Variants in KCNG2 observed in about 807,000 individuals in gnomAD.
KCNG2 encodes potassium voltage-gated channel modifier subfamily G member 2, also known as voltage-gated potassium channel regulatory subunit KCNG2.
KCNG2 carries 7 observed loss-of-function variants against 12.3 expected under a neutral mutation model. The observed-to-expected ratio is 0.57, with a 90% CI of 0.32 to 1.07. KCNG2 has a LOEUF of 1.07. KCNG2 is among the 50% of genes least tolerant of loss of function. The pLI, the probability that KCNG2 is intolerant of heterozygous loss-of-function variation, is 0.04. For synonymous variants in KCNG2, 414 were observed against 351.4 expected (o/e 1.18, Z -1.99); for missense variants, 703 against 726.0 (o/e 0.97, Z 0.36).
intron 2 of KCNG2, among the ~76,000 whole-genome samples, chr18:79,861,216 A>G (rs1979205226): frequency 1.4e-5 from 2 of 146,026 alleles, no homozygotes; most frequent in Admixed American, 6.8e-5. Flanking sequence ...ATGAAGCTGG[A>G]TTTATTTTGC....
Position 79,803,007 on chromosome 18 carries a change from C to T in KCNG2, c.-115+4993C>T, listed in dbSNP as rs2087423036. Among the ~76,000 whole-genome samples the T allele has an allele frequency of 6.6e-6, 1 of 152,134 alleles. No homozygotes were observed. The highest frequency in any genetic ancestry group is 2.4e-5 in the African/African-American group (1 of 41,430). On this transcript the variant is annotated intron_variant, in intron 1 of 3. Coordinates refer to ENST00000316249, the MANE Select transcript of KCNG2 (RefSeq NM_012283.2). The surrounding 1 kb of genome is among the most constrained non-coding windows in gnomAD (Gnocchi z 4.5). ...CAGCCTGGTCAACATGGTGAAACCT[C>T]ATCTCTACTAAAACACAAAAATTAG...
intron 2 of KCNG2, among the ~76,000 whole-genome samples, chr18:79,861,042 C>T (rs985291218): frequency 1.9e-4 from 29 of 152,132 alleles, no homozygotes; most frequent in Admixed American, 1.8e-3. Context: ...TGTTAGACTT[C>T]GTCAAATCCT....
chr18:79,814,019 A>C (rs1227806783), intron 1 of KCNG2, among the ~76,000 whole-genome samples: 3 of 152,246 alleles, frequency 2.0e-5, no homozygotes, highest in Non-Finnish European at 4.4e-5. Flanking sequence ...TAGCACCGTC[A>C]GCCTTTAGGG....
At chr18:79,817,586 C>T (rs552181912) in intron 1 of KCNG2, among the ~76,000 whole-genome samples, 2 of 152,248 alleles carry the variant, frequency 1.3e-5, no homozygotes, top group African/African-American at 4.8e-5. Context: ...AGTTCTCACA[C>T]AGATGGTTGT....
At chr18:79,861,230 T>G (rs565460135) in intron 2 of KCNG2, among the ~76,000 whole-genome samples, 2 of 151,894 alleles carry the variant, frequency 1.3e-5, no homozygotes, top group African/African-American at 4.8e-5. Context: ...ATTTTGCTCA[T>G]GTCTTGTGGA....
intron 1 of KCNG2, among the ~76,000 whole-genome samples, chr18:79,830,621 G>A (rs1326622604): frequency 6.6e-6 from 1 of 152,258 alleles, no homozygotes; most frequent in African/African-American, 2.4e-5. Flanking sequence ...GAGATGCCTC[G>A]AAGAGACTCC....
At chr18:79,841,514 A>C (rs986436422) in intron 1 of KCNG2, among the ~76,000 whole-genome samples, 1 of 152,358 alleles carries the variant, frequency 6.6e-6, no homozygotes, top group South Asian at 2.1e-4. Context: ...TACCCAACTA[A>C]GTACTAGTAT....
rs568089614 is a variant in KCNG2, at chr18:79,824,926, T to C, written c.-115+26912T>C. Among the ~76,000 whole-genome samples, 3 of 152,334 alleles carry C rather than the reference T, an allele frequency of 2.0e-5. No individual in the cohort carries two copies. The South Asian group carries it at 6.2e-4, about 32-fold the overall frequency. On this transcript the variant is annotated intron_variant, in intron 1 of 3. Coordinates refer to ENST00000316249, the MANE Select transcript of KCNG2 (RefSeq NM_012283.2). ...AGTGATATTGAACTTAAGTTTTCTT[T>C]CTTCTTATTATATTTGGTTTAAATA... is the stretch of plus-strand genomic sequence containing the variant.
chr18:79,847,165 T>A (rs746820264), intron 1 of KCNG2, among the ~76,000 whole-genome samples: 5 of 152,246 alleles, frequency 3.3e-5, no homozygotes, highest in Non-Finnish European at 5.9e-5. Flanking sequence ...TGAAAAATCC[T>A]CTGAGCTTCC....
intron 1 of KCNG2, among the ~76,000 whole-genome samples, chr18:79,824,002 T>A (rs2087592567): frequency 6.6e-6 from 1 of 152,250 alleles, no homozygotes; most frequent in Non-Finnish European, 1.5e-5. Flanking sequence ...TTTTCTTTCA[T>A]CAATTTAATT....
intron 1 of KCNG2, among the ~76,000 whole-genome samples, chr18:79,798,924 C>T (rs899736497): frequency 2.0e-5 from 3 of 152,174 alleles, no homozygotes; most frequent in Non-Finnish European, 4.4e-5. Flanking sequence ...ACCGGTGGAG[C>T]CCCCGCCCGC....
At chr18:79,888,192 G>A (rs984175689) in intron 3 of KCNG2, among the ~76,000 whole-genome samples, 11 of 152,198 alleles carry the variant, frequency 7.2e-5, no homozygotes, top group African/African-American at 2.4e-4. Context: ...GGGAGCACCC[G>A]CCAGGCCCAG....
intron 1 of KCNG2, among the ~76,000 whole-genome samples, chr18:79,826,815 A>G (rs1978286482): frequency 6.6e-6 from 1 of 151,622 alleles, no homozygotes; most frequent in Non-Finnish European, 1.5e-5. Context: ...CTGAGTGAGC[A>G]GCTCCTCACG....
chr18:79,799,570 GT>G (rs1160051604), intron 1 of KCNG2, among the ~76,000 whole-genome samples: 3 of 152,242 alleles, frequency 2.0e-5, no homozygotes, highest in African/African-American at 7.2e-5. Context: ...CTGGGGAGAG[GT>G]GACAAAAACA....
At position 79,818,787 on chromosome 18, in the gene KCNG2, G is replaced by A. The variant is rs546043195; in HGVS notation, c.-115+20773G>A. ...GAGGCACTTTCCAGCAGGGTGCTCC[G>A]TGGGGGCTTTGGGGCTGCTTTAGGG... On this transcript the variant is annotated intron_variant, in intron 1 of 3. Coordinates refer to ENST00000316249, the MANE Select transcript of KCNG2 (RefSeq NM_012283.2). Among the ~76,000 whole-genome samples the A allele has an allele frequency of 5.9e-5, 9 of 152,300 alleles. No homozygotes were observed. In the South Asian group the frequency reaches 6.2e-4, roughly 11 times the overall value.
chr18:79,881,660 A>G (rs1285824439), intron 3 of KCNG2, among the ~76,000 whole-genome samples: 1 of 152,220 alleles, frequency 6.6e-6, no homozygotes, highest in African/African-American at 2.4e-5. Context: ...ACTCGGTGTG[A>G]CTAAGATGTC....
intron 2 of KCNG2, among the ~76,000 whole-genome samples, chr18:79,857,379 G>A (rs1599397464): frequency 1.3e-5 from 2 of 151,664 alleles, no homozygotes; most frequent in African/African-American, 2.4e-5. Context: ...ATTCAGAAGC[G>A]ACTTATGCAA....
chr18:79,899,172 A>G lies in KCNG2; in HGVS notation c.757A>G (p.Ile253Val). 3 of 1,605,794 alleles carry G rather than the reference A, an allele frequency of 1.9e-6. No homozygotes were observed. Among genetic ancestry groups the G allele is most frequent in the South Asian group, 1.1e-5 (1 of 90,952 alleles). Residue 253 changes from isoleucine to valine, a missense_variant, in exon 4 of 4, where the codon ATC becomes GTC. Ile to Val is a conservative substitution (Grantham distance 29). Transcript: ENST00000316249. ...KCAFLRAPLNIIDILALLPFY... is the reference protein window; with the variant it reads ...KCAFLRAPLNVIDILALLPFY... Reference sequence around the variant, plus strand: ...CGCCTTCCTGCGCGCGCCACTCAACATCATTGACATCCTGGCGCTCCTGCC... The same window carrying G: ...CGCCTTCCTGCGCGCGCCACTCAACGTCATTGACATCCTGGCGCTCCTGCC...
chr18:79,811,735 CAAAT>C (rs1351531820), intron 1 of KCNG2, among the ~76,000 whole-genome samples: 2 of 151,898 alleles, frequency 1.3e-5, no homozygotes, highest in Non-Finnish European at 2.9e-5. Flanking sequence ...TTTCCTGAAA[CAAAT>C]GAAGGAATAG....
Sources: gnomAD v4.1 joint callset for allele counts (sites outside exome capture counted in the v4.1 genomes callset) on GRCh38, gnomAD v4.1.1 for gene constraint, Gnocchi (gnomAD v3.1) non-coding constraint, MANE v1.5 for transcripts, NCBI Gene and HGNC (gene_info 2026-07-23, HGNC 2026-07-21) for gene names.